The following ABLIM1 variants were observed in gnomAD, a reference collection of about 807,000 sequenced individuals.
ABLIM1 encodes the protein actin binding LIM protein 1, also known as actin-binding LIM protein 1.
Under a neutral mutation model 107.0 loss-of-function variants are expected in ABLIM1, and 40 were observed. The observed-to-expected ratio is 0.37, with a 90% CI of 0.29 to 0.49. The LOEUF (loss-of-function observed/expected upper bound fraction) is 0.49. Among genes scored for constraint, ABLIM1 ranks in the 20% least tolerant of loss-of-function variants. ABLIM1 has a pLI of 0.97. For synonymous variants in ABLIM1, 357 were observed against 357.3 expected, an observed-to-expected ratio of 1.00 and a Z score of 0.01; for missense variants, 857 against 1,008.5, an observed-to-expected ratio of 0.85 and a Z score of 2.04.
intron 1 of ABLIM1, among the ~76,000 whole-genome samples, chr10:114,638,616 C>A (rs527528503): frequency 6.8e-6 from 1 of 147,080 alleles, no homozygotes; most frequent in Non-Finnish European, 1.5e-5. Context: ...CGTCCCATGC[C>A]CTGCCTACAC....
chr10:114,571,444 G>C (rs1187534340), intron 3 of ABLIM1, 38 bp from the exon 4 acceptor site: 1 of 1,582,442 alleles, frequency 6.3e-7, no homozygotes, highest in East Asian at 2.2e-5. Flanking sequence ...GGTTATTGCA[G>C]CAATTTCATT....
At chr10:114,487,552 G>A (rs2058365192) in intron 8 of ABLIM1, among the ~76,000 whole-genome samples, 1 of 152,194 alleles carries the variant, frequency 6.6e-6, no homozygotes, top group Non-Finnish European at 1.5e-5. Context: ...TCCAGTAAAT[G>A]AGAGACCAGT....
chr10:114,555,350 C>T (rs2497730), intron 4 of ABLIM1, among the ~76,000 whole-genome samples: 56,504 of 152,004 alleles, frequency 0.37, 13,856 homozygotes, highest in African/African-American at 0.7. Context: ...TTTTACACAC[C>T]GGAAACTAAG....
the ABLIM1 span, chr10:114,778,377 A>G: frequency 6.6e-6 from 1 of 152,138 alleles, no homozygotes; most frequent in Non-Finnish European, 1.5e-5. Flanking sequence ...AAACAACAAC[A>G]AAAAATCTCT....
intron 1 of ABLIM1, among the ~76,000 whole-genome samples, chr10:114,641,315 G>A (rs1364059333): frequency 1.3e-5 from 2 of 148,474 alleles, no homozygotes; most frequent in Non-Finnish European, 3.0e-5. Context: ...GGAAGACATG[G>A]TTGTTATCTT....
chr10:114,643,599 A>G (rs2078848071), intron 1 of ABLIM1, among the ~76,000 whole-genome samples: 1 of 137,992 alleles, frequency 7.2e-6, no homozygotes, highest in African/African-American at 3.0e-5. Context: ...TTTTTTTGAG[A>G]TAGTGTCTCA....
chr10:114,526,014 G>A (rs548571704), intron 6 of ABLIM1, among the ~76,000 whole-genome samples: 106 of 152,164 alleles, frequency 7.0e-4, no homozygotes, highest in African/African-American at 2.5e-3. Flanking sequence ...CAATATAAAG[G>A]CCAGAATCTC....
At chr10:114,652,540 G>A (rs2141110215) in intron 1 of ABLIM1, among the ~76,000 whole-genome samples, 1 of 152,288 alleles carries the variant, frequency 6.6e-6, no homozygotes, top group Admixed American at 6.5e-5. Context: ...GCCTGAATCA[G>A]ACATGAACCA....
chr10:114,589,866 G>A (rs1439539225), intron 2 of ABLIM1, among the ~76,000 whole-genome samples: 2 of 152,140 alleles, frequency 1.3e-5, no homozygotes, highest in Admixed American at 1.3e-4. Flanking sequence ...CATAGTCTAT[G>A]TGTACAGTGT....
chr10:114,575,524 C>T lies in ABLIM1; in HGVS notation c.455G>A (p.Arg152Gln), dbSNP rs776165405. Residue 152 changes from arginine (R) to glutamine (Q), a missense_variant, in exon 3 of 23, where the codon CGG (arginine) becomes CAG (glutamine). Transcript: ENST00000533213. ...GCCATGGCAGCGTGTCCCGTACATC[C>T]GCTGGTAGTCCAGGGTGCAGAGATA... ...GEYLCTLDYQ[R>Q]MYGTRCHGCG... 8.1e-6 allele frequency: 13 copies of T among 1,614,096 alleles called. No homozygotes were observed. The highest frequency in any genetic ancestry group is 1.7e-5 in the Admixed American group (1 of 60,008).
chr10:114,633,092 A>C (rs984231602), intron 1 of ABLIM1, among the ~76,000 whole-genome samples: 4 of 152,244 alleles, frequency 2.6e-5, no homozygotes, highest in East Asian at 1.9e-4. Flanking sequence ...AGCAAGAGAC[A>C]AAAAGACAGA....
intron 11 of ABLIM1, 114 bp from the exon 12 acceptor site, chr10:114,465,941 A>G: frequency 8.3e-7 from 1 of 1,207,060 alleles, no homozygotes; most frequent in Admixed American, 2.5e-5. Flanking sequence ...TTTGATTAAT[A>G]TATGCACTTA....
At chr10:114,692,007 T>C (rs989015085) in intron 1 of ABLIM1, among the ~76,000 whole-genome samples, 2 of 152,200 alleles carry the variant, frequency 1.3e-5, no homozygotes, top group African/African-American at 4.8e-5. Context: ...TCACTCAGTG[T>C]GTATTACTTC....
At chr10:114,527,053 A>T (rs2064889470) in intron 6 of ABLIM1, 1 of 830,126 alleles carries the variant, frequency 1.2e-6, no homozygotes, top group Non-Finnish European at 1.5e-6. Flanking sequence ...ATTTCTTTGC[A>T]TTCACTCACT....
chr10:114,719,349 G>A (rs1238674317), intron 1 of ABLIM1, among the ~76,000 whole-genome samples: 1 of 152,194 alleles, frequency 6.6e-6, no homozygotes, highest in Non-Finnish European at 1.5e-5. Flanking sequence ...CCCTGAGAAG[G>A]AGGATCTCTA....
intron 1 of ABLIM1, among the ~76,000 whole-genome samples, chr10:114,743,800 C>T (rs960094191): frequency 1.3e-5 from 2 of 152,084 alleles, no homozygotes; most frequent in Non-Finnish European, 2.9e-5. Flanking sequence ...GAGAGGATGG[C>T]TCTGGTTTTC....
intron 1 of ABLIM1, among the ~76,000 whole-genome samples, chr10:114,744,525 T>G (rs808328): frequency 0.11 from 17,172 of 152,170 alleles, 994 homozygotes; most frequent in Middle Eastern, 0.15. Flanking sequence ...ATGCGCCTGG[T>G]GTCCCAGGGA....
At chr10:114,607,294 T>C (rs2076484376) in intron 1 of ABLIM1, among the ~76,000 whole-genome samples, 1 of 152,180 alleles carries the variant, frequency 6.6e-6, no homozygotes, top group African/African-American at 2.4e-5. Flanking sequence ...TCACCTGACC[T>C]CGTGATCCAC....
chr10:114,777,077 G>T, the ABLIM1 span, among the ~76,000 whole-genome samples: 1 of 151,894 alleles, frequency 6.6e-6, no homozygotes, highest in African/African-American at 2.4e-5. Flanking sequence ...AAATATGTTA[G>T]ACTGCTTGTC....
Sources: allele counts gnomAD v4.1 joint callset (sites outside exome capture counted in the v4.1 genomes callset), GRCh38; gene constraint gnomAD v4.1.1; transcripts MANE v1.5; gene names NCBI Gene and HGNC (gene_info 2026-07-23, HGNC 2026-07-21).